The following NAV2 variants were observed in gnomAD, a reference collection of about 807,000 sequenced individuals.
The protein encoded by NAV2 is neuron navigator 2.
NAV2 carries 54 observed loss-of-function variants against 223.2 expected under a neutral mutation model. The ratio of observed to expected loss-of-function variants is 0.24; its 90% CI spans 0.19 to 0.30. The LOEUF (loss-of-function observed/expected upper bound fraction) is 0.30. Ranked by LOEUF, NAV2 falls within the 10% of genes least tolerant of loss-of-function variation. The pLI is 1.00. For missense variants in NAV2, 2,806 were observed against 3,147.5 expected (o/e 0.89, Z 2.60); for synonymous variants, 1,279 against 1,239.3 (o/e 1.03, Z -0.67).
chr11:19,363,301 G>T, intron 1 of NAV2, among the ~76,000 whole-genome samples: 1 of 152,142 alleles, frequency 6.6e-6, no homozygotes, highest in Non-Finnish European at 1.5e-5. Context: ...TCCCTGCAAA[G>T]GACATGAACT....
chr11:19,744,802 T>A (rs544799233), intron 1 of NAV2, among the ~76,000 whole-genome samples: 1 of 152,324 alleles, frequency 6.6e-6, no homozygotes, highest in East Asian at 1.9e-4. Flanking sequence ...TGCATCATCA[T>A]CTCTTAGGCA....
intron 1 of NAV2, among the ~76,000 whole-genome samples, chr11:19,682,318 T>A (rs888206527): frequency 1.3e-5 from 2 of 152,234 alleles, no homozygotes; most frequent in African/African-American, 4.8e-5. Context: ...ACATGCCTTA[T>A]CTCATAATCC....
rs577230851 is a variant in NAV2 at position 19,940,195 on chromosome 11, C to T, written c.2146+422C>T. The stretch of plus-strand genomic sequence containing the variant: ...TGGAAGCACTGATTTAAAATATGTT[C>T]TTAGAGTCCTATGTGAATTGGGGGG... On this transcript the variant is annotated intron_variant, in intron 8 of 37. Transcript: ENST00000349880. Among the ~76,000 whole-genome samples the T allele has an allele frequency of 3.9e-5, 6 of 151,932 alleles. No homozygotes were observed. The East Asian group carries it at 1.2e-3, about 29-fold the overall frequency.
At chr11:19,651,338 G>T (rs1200090156) in intron 1 of NAV2, among the ~76,000 whole-genome samples, 1 of 152,230 alleles carries the variant, frequency 6.6e-6, no homozygotes, top group Non-Finnish European at 1.5e-5. Flanking sequence ...CAACCTGCTA[G>T]GCCCCAAGGT....
chr11:19,345,762 C>T (rs780355939), upstream of NAV2, among the ~76,000 whole-genome samples: 118 of 152,348 alleles, frequency 7.7e-4, 1 homozygote, highest in Non-Finnish European at 1.1e-3. This position sits in a 1 kb window ranked among gnomAD's most constrained non-coding sequence, Gnocchi z 5.2. Flanking sequence ...CTGCGCACGC[C>T]CCTATCCGGA....
In NAV2 at chr11:19,955,637, C is replaced by A. The variant is rs371746725; in HGVS notation, c.2645+6557C>A. On this transcript the variant is annotated intron_variant, in intron 10 of 37. Coordinates refer to ENST00000349880, the MANE Select transcript of NAV2 (RefSeq NM_145117.5). The stretch of plus-strand genomic sequence containing the variant: ...TGTGGACTGATGGAAGATAGACATG[C>A]CCCTGTTCATCTCTTCCTTCTTTCA... Among the ~76,000 whole-genome samples, 45 of 152,282 alleles carry A rather than the reference C, an allele frequency of 3.0e-4. 2 individuals carry two copies. The South Asian group carries it at 8.5e-3, about 29-fold the overall frequency.
chr11:19,600,010 G>C (rs966563949), intron 1 of NAV2, among the ~76,000 whole-genome samples: 1 of 152,164 alleles, frequency 6.6e-6, no homozygotes, highest in Non-Finnish European at 1.5e-5. Flanking sequence ...TAGTTTATTT[G>C]GGAAGTGATT....
chr11:19,520,093 C>T (rs1379621637), intron 1 of NAV2, among the ~76,000 whole-genome samples: 2 of 152,348 alleles, frequency 1.3e-5, no homozygotes, highest in South Asian at 2.1e-4. Flanking sequence ...CTTTGCTGGA[C>T]CAAAGGAGAC....
intron 6 of NAV2, among the ~76,000 whole-genome samples, chr11:19,908,446 A>G (rs939087493): frequency 1.3e-5 from 2 of 152,110 alleles, no homozygotes; most frequent in Non-Finnish European, 2.9e-5. Context: ...CATTTTGCAG[A>G]GTGCTGGTCT....
intron 1 of NAV2, among the ~76,000 whole-genome samples, chr11:19,595,711 T>C (rs949116082): frequency 4.1e-4 from 54 of 131,754 alleles, no homozygotes; most frequent in African/African-American, 1.4e-3. Flanking sequence ...CACACCACCA[T>C]GAAGGCTAAT....
At position 19,850,970 on chromosome 11, in the gene NAV2, C is replaced by T. The variant is rs1443682237; in HGVS notation, c.438+8047C>T. Among the ~76,000 whole-genome samples the T allele has an allele frequency of 2.0e-5, 3 of 152,166 alleles. 1 individual carries two copies. On this transcript the variant is annotated intron_variant, in intron 3 of 37. Transcript: ENST00000349880. ...GCCAGCTGTGGGTTGTGATAAAGAA[C>T]CTCTCATTCTTTCCCCTCACACAGT... is the stretch of plus-strand genomic sequence containing the variant.
chr11:19,918,883 A>T (rs1181097694), intron 6 of NAV2, among the ~76,000 whole-genome samples: 1 of 152,178 alleles, frequency 6.6e-6, no homozygotes, highest in Non-Finnish European at 1.5e-5. Flanking sequence ...ACCAATCATC[A>T]CGATAGCTTC....
chr11:19,796,874 G>A (rs74833535), intron 1 of NAV2, among the ~76,000 whole-genome samples: 9,154 of 152,224 alleles, frequency 0.06, 312 homozygotes, highest in Non-Finnish European at 0.087. Flanking sequence ...TCTCTGATTA[G>A]GTAGTCTCCC....
At chr11:19,655,972 G>A (rs1369673985) in intron 1 of NAV2, among the ~76,000 whole-genome samples, 1 of 152,128 alleles carries the variant, frequency 6.6e-6, no homozygotes, top group African/African-American at 2.4e-5. Flanking sequence ...CCACTGGTTG[G>A]AGAAGGAAGA....
intron 6 of NAV2, among the ~76,000 whole-genome samples, chr11:19,897,716 A>G (rs1442979134): frequency 6.6e-6 from 1 of 151,930 alleles, no homozygotes; most frequent in African/African-American, 2.4e-5. Flanking sequence ...TTTCCCAAAG[A>G]CTGATCTCAG....
chr11:20,093,261 G>A (rs778161194), intron 29 of NAV2, 62 bp downstream of exon 29: 123 of 1,106,296 alleles, frequency 1.1e-4, no homozygotes, highest in Non-Finnish European at 1.6e-4. Flanking sequence ...ACCTAGCTTA[G>A]TGATCTAATT....
intron 1 of NAV2, among the ~76,000 whole-genome samples, chr11:19,521,014 GC>G (rs2043634950): frequency 6.6e-6 from 1 of 152,184 alleles, no homozygotes; most frequent in Admixed American, 6.5e-5. Context: ...TTTTAAGAAG[GC>G]CCATGCGCCT....
intron 1 of NAV2, among the ~76,000 whole-genome samples, chr11:19,799,819 C>A (rs187544315): frequency 9.5e-4 from 145 of 152,304 alleles, no homozygotes; most frequent in Admixed American, 2.5e-3. Flanking sequence ...CTTTCTTTGC[C>A]TCCCCCTTGC....
intron 1 of NAV2, among the ~76,000 whole-genome samples, chr11:19,763,093 T>C (rs1188832259): frequency 6.6e-6 from 1 of 152,244 alleles, no homozygotes; most frequent in Non-Finnish European, 1.5e-5. Context: ...GTTCACTACT[T>C]TGTCCTCAGC....
Sources: gnomAD v4.1 joint callset for allele counts (sites outside exome capture counted in the v4.1 genomes callset) on GRCh38, gnomAD v4.1.1 for gene constraint, Gnocchi (gnomAD v3.1) non-coding constraint, MANE v1.5 for transcripts, NCBI Gene and HGNC (gene_info 2026-07-23, HGNC 2026-07-21) for gene names.